Variants in PMPCA observed in about 807,000 individuals in gnomAD.
The protein encoded by PMPCA is peptidase, mitochondrial processing subunit alpha, also known as mitochondrial-processing peptidase subunit alpha.
Under a neutral mutation model 59.3 loss-of-function variants are expected in PMPCA, and 47 were observed. The observed-to-expected ratio is 0.79, with a 90% CI of 0.63 to 1.01. The LOEUF is 1.01. PMPCA is among the 50% of genes least tolerant of loss of function. The probability of loss-of-function intolerance (pLI) is 0.00; values close to 1 mark genes in which losing one functional copy is unlikely to be tolerated. For synonymous variants in PMPCA, 338 were observed against 290.3 expected (o/e 1.16, Z -1.67); for missense variants, 726 against 704.5 (o/e 1.03, Z -0.34).
chr9:136,417,095 C>G lies in PMPCA; in HGVS notation c.778C>G (p.His260Asp). 6.2e-7 allele frequency: 1 copy of G among 1,613,962 alleles called. No individual in the cohort carries two copies. The highest frequency in any genetic ancestry group is 8.5e-7 in the Non-Finnish European group (1 of 1,180,026). ...RMVLAGVGVEHEHLVDCARKY... is the reference protein window; with the variant it reads ...RMVLAGVGVEDEHLVDCARKY... ...GGTGCTGGCCGGCGTGGGCGTGGAG[C>G]ACGAGCATCTGGTGGACTGTGCCCG... Residue 260 changes from histidine (H) to aspartate (D), a missense_variant, in exon 7 of 13, where the codon CAC (histidine) becomes GAC (aspartate). Transcript: ENST00000371717.
At chr9:136,411,105 G>A in intron 1 of PMPCA, 1 of 237,786 alleles carries the variant, frequency 4.2e-6, no homozygotes. Flanking sequence ...CTGACACCAG[G>A]GTCCAGGCTC....
intron 11 of PMPCA, chr9:136,420,658 A>C (rs1259637836): frequency 6.6e-6 from 1 of 152,256 alleles, no homozygotes; most frequent in African/African-American, 2.4e-5. Flanking sequence ...GTTGTGGTTA[A>C]ATTAATACGC....
intron 4 of PMPCA, among the ~76,000 whole-genome samples, chr9:136,414,341 G>T (rs910337630): frequency 1.3e-5 from 2 of 152,134 alleles, no homozygotes; most frequent in African/African-American, 4.8e-5. Flanking sequence ...CCCCTGGCAC[G>T]CAAAGCCCAA....
At chr9:136,423,072 C>CA (rs1451817623) in intron 12 of PMPCA, 23 bp from the exon 13 acceptor site, 7 of 1,601,464 alleles carry the variant, frequency 4.4e-6, no homozygotes, top group Non-Finnish European at 6.0e-6. Context: ...GCTCGTGTGA[C>CA]ACGCGTTTGC....
Position 136,419,056 on chromosome 9 carries a change from G to C in PMPCA, c.1213G>C (p.Val405Leu), listed in dbSNP as rs779165807. ...SADPRQVREM[V>L]EIITKEFILM... ...CCCTTCTTCGCAGGTTCGAGAAATG[G>C]TAGAAATCATCACAAAGGAGTTTAT... The change falls in exon 11 of 13, where the codon GTA becomes CTA. Residue 405 changes from valine (V) to leucine (L), a missense_variant. Physicochemically the swap from Val to Leu is conservative, Grantham distance 32. Coordinates refer to ENST00000371717, the MANE Select transcript of PMPCA (RefSeq NM_015160.3). 6.2e-7 allele frequency: 1 copy of C among 1,613,908 alleles called. No individual in the cohort carries two copies. The highest frequency in any genetic ancestry group is 8.5e-7 in the Non-Finnish European group (1 of 1,179,856).
chr9:136,415,166 G>T (rs894054549), intron 5 of PMPCA, among the ~76,000 whole-genome samples: 1 of 152,192 alleles, frequency 6.6e-6, no homozygotes. Flanking sequence ...GGCATTTAGG[G>T]ATGTAGAGAT....
At chr9:136,416,626 C>T (rs533522572) in intron 6 of PMPCA, 29 of 614,060 alleles carry the variant, frequency 4.7e-5, no homozygotes, top group Admixed American at 1.3e-4. Flanking sequence ...GGATTACAGG[C>T]GTGAGTCACC....
At position 136,423,347 on chromosome 9, in the gene PMPCA, T is replaced by A; in HGVS notation, c.*83T>A. The A allele has an allele frequency of 1.4e-6, 2 of 1,390,050 alleles. No individual in the cohort carries two copies. Among genetic ancestry groups the A allele is most frequent in the Non-Finnish European group, 2.0e-6 (2 of 1,025,138 alleles). 86.1% of individuals were successfully genotyped at this position (1,390,050 alleles called of 1,614,324 possible). A position where few individuals can be genotyped will look rare whatever the true frequency, so the allele number is the denominator to read the frequency against. ...TGTTAGTTTGGACACGAATTTAGTC[T>A]AAAAAGCTGTCTGGTTGTATAAACG... On this transcript the variant is annotated 3_prime_UTR_variant, in exon 13 of 13. Transcript: ENST00000371717.
chr9:136,416,187 C>T lies in PMPCA; in HGVS notation c.533-104C>T, dbSNP rs908810139. 3.7e-6 allele frequency: 3 copies of T among 814,446 alleles called. No homozygotes were observed. In the African/African-American group the frequency reaches 5.1e-5, roughly 14 times the overall value. The allele number at this position is 814,446 out of a possible 1,614,324, so 50.5% of individuals were successfully genotyped here. A position where few individuals can be genotyped will look rare whatever the true frequency, so the allele number is the denominator to read the frequency against. On this transcript the variant is annotated intron_variant, in intron 5 of 12. Transcript: ENST00000371717. ...GAAGGCAGAGGTGACTGCCAACAGC[C>T]ACCAACAGGCGACACTCAGGCCAGC...
At chr9:136,415,782 G>A (rs935222666) in intron 5 of PMPCA, among the ~76,000 whole-genome samples, 8 of 152,172 alleles carry the variant, frequency 5.3e-5, no homozygotes, top group African/African-American at 1.2e-4. Flanking sequence ...ACAGGCGCCC[G>A]CCACCGCGCC....
Position 136,412,140 on chromosome 9 carries a change from T to C in PMPCA, c.215T>C (p.Leu72Ser), listed in dbSNP as rs769611692. 8 of 1,614,122 alleles carry C rather than the reference T, an allele frequency of 5.0e-6. No individual in the cohort carries two copies. In the South Asian group the frequency reaches 8.8e-5, roughly 18 times the overall value. Reference sequence around the variant, plus strand: ...AAGTTTGAAACCAAAGTAACCACATTGGATAATGGGCTTCGCGTGGCATCT... The same window carrying C: ...AAGTTTGAAACCAAAGTAACCACATCGGATAATGGGCTTCGCGTGGCATCT... ...QEKFETKVTTLDNGLRVASQN... is the reference protein window; with the variant it reads ...QEKFETKVTTSDNGLRVASQN... Residue 72 changes from leucine to serine, a missense_variant, in exon 2 of 13, where the codon TTG (leucine) becomes TCG (serine). Transcript: ENST00000371717.
rs1427051903 is a variant in PMPCA at position 136,423,214 on chromosome 9, C to T, written c.1528C>T (p.Leu510=). 1 of 1,613,680 alleles carries T rather than the reference C, an allele frequency of 6.2e-7. No individual in the cohort carries two copies. Among genetic ancestry groups the T allele is most frequent in the South Asian group, 1.1e-5 (1 of 91,092 alleles). The change falls in exon 13 of 13, where the codon CTG becomes TTG. Residue 510 remains leucine (L), a synonymous_variant. Transcript: ENST00000371717. ...CACGTATGAGCACATCCAGACCGCC[C>T]TGTCGAGTAAGGACGGGCGCCTGCC... ...LPTYEHIQTA[L]SSKDGRLPRT... is the part of the protein sequence containing the mutation.
At chr9:136,422,910 G>T in intron 12 of PMPCA, 185 bp from the exon 13 acceptor site, 1 of 1,403,890 alleles carries the variant, frequency 7.1e-7, no homozygotes, top group South Asian at 1.6e-5. Context: ...AGAACTCAAC[G>T]TCTGTCACTT....
intron 1 of PMPCA, 32 bp downstream of exon 1, chr9:136,410,771 G>C: frequency 1.5e-6 from 2 of 1,378,276 alleles, no homozygotes; most frequent in Non-Finnish European, 1.9e-6. Flanking sequence ...CTTCGGCCTG[G>C]GGCGGGGGCG....
In PMPCA at chr9:136,412,125, C is replaced by T; in HGVS notation, c.200C>T (p.Thr67Ile). 1 of 1,614,030 alleles carries T rather than the reference C, an allele frequency of 6.2e-7. No homozygotes were observed. Among genetic ancestry groups the T allele is most frequent in the Non-Finnish European group, 8.5e-7 (1 of 1,179,936 alleles). Residue 67 changes from threonine (T) to isoleucine (I), a missense_variant, in exon 2 of 13, where the codon ACC (threonine) becomes ATC (isoleucine). Transcript: ENST00000371717. ...ATVDGQEKFE[T>I]KVTTLDNGLR... is the part of the protein sequence containing the mutation. Reference sequence around the variant, plus strand: ...GTTGATGGACAGGAAAAGTTTGAAACCAAAGTAACCACATTGGATAATGGG... The same window carrying T: ...GTTGATGGACAGGAAAAGTTTGAAATCAAAGTAACCACATTGGATAATGGG...
At chr9:136,421,625 G>C (rs1411383456) in intron 11 of PMPCA, among the ~76,000 whole-genome samples, 1 of 152,074 alleles carries the variant, frequency 6.6e-6, no homozygotes. Flanking sequence ...TGTTAGCCAG[G>C]ATGGTCTCAA....
In PMPCA at chr9:136,410,668, G is replaced by A. The variant is rs1234693952; in HGVS notation, c.-1G>A. 4 of 1,404,726 alleles carry A rather than the reference G, an allele frequency of 2.8e-6. No individual in the cohort carries two copies. The highest frequency in any genetic ancestry group is 3.0e-5 in the African/African-American group (2 of 67,078). The allele number at this position is 1,404,726 out of a possible 1,614,324, so 87.0% of individuals were successfully genotyped here. On this transcript the variant is annotated 5_prime_UTR_variant, in exon 1 of 13. Transcript: ENST00000371717. ...CGACTGAAGCGGGGCGGAGACGCAA[G>A]ATGGCGGCTGTGGTGCTGGCGGCGA...
chr9:136,416,678 T>G (rs1308730167), intron 6 of PMPCA: 1 of 592,166 alleles, frequency 1.7e-6, no homozygotes, highest in African/African-American at 1.9e-5. Context: ...GTCTGCTGTT[T>G]ATACAATGTT....
chr9:136,410,968 C>A (rs550849533), intron 1 of PMPCA: 3 of 395,824 alleles, frequency 7.6e-6, no homozygotes, highest in East Asian at 7.2e-5. Flanking sequence ...CTCTCCCCCC[C>A]TCACTTCCCG....
Sources: allele counts gnomAD v4.1 joint callset (sites outside exome capture counted in the v4.1 genomes callset), GRCh38; gene constraint gnomAD v4.1.1; transcripts MANE v1.5; gene names NCBI Gene and HGNC (gene_info 2026-07-23, HGNC 2026-07-21).